The following POTEE variants were observed in gnomAD, a reference collection of about 807,000 sequenced individuals.
POTEE encodes the protein POTE ankyrin domain family member E.
Under a neutral mutation model 74.2 loss-of-function variants are expected in POTEE, and 21 were observed. The observed-to-expected ratio is 0.28, with a 90% CI of 0.20 to 0.41. The LOEUF (loss-of-function observed/expected upper bound fraction) is 0.41, where lower values mean the gene tolerates loss of function less well. POTEE is among the 10% of genes least tolerant of loss of function. The probability of loss-of-function intolerance (pLI) is 1.00; values close to 1 mark genes in which losing one functional copy is unlikely to be tolerated. For missense variants in POTEE, 525 were observed against 1,158.6 expected (o/e 0.45, Z 7.94); for synonymous variants, 211 against 432.8 (o/e 0.49, Z 6.36).
rs376689825 is a variant in POTEE, at chr2:131,220,703, C to T, written c.521+1780C>T. ...AAGGCCGGGTACAGTGGCTTACGCCCGTTACCCCAGCACTTTAGGAGGCTG... is the reference window on the plus strand; with the variant it reads ...AAGGCCGGGTACAGTGGCTTACGCCTGTTACCCCAGCACTTTAGGAGGCTG... On this transcript the variant is annotated intron_variant, in intron 4 of 17. Coordinates refer to ENST00000683005, the MANE Select transcript of POTEE (RefSeq NM_001083538.3). 2.4e-4 allele frequency among the ~76,000 whole-genome samples: 36 copies of T among 151,694 alleles called. No homozygotes were observed. The East Asian group carries it at 4.7e-3, about 20-fold the overall frequency.
At chr2:131,235,711 G>T (rs1410068652) in intron 9 of POTEE, among the ~76,000 whole-genome samples, 2 of 138,824 alleles carry the variant, frequency 1.4e-5, no homozygotes, top group East Asian at 4.5e-4. Context: ...AGAATCGCTT[G>T]AACCAGGGAG....
intron 4 of POTEE, among the ~76,000 whole-genome samples, chr2:131,222,110 G>A (rs1700636028): frequency 1.3e-5 from 2 of 152,320 alleles, no homozygotes; most frequent in African/African-American, 4.8e-5. Flanking sequence ...GTAGAAAATA[G>A]TAAAAGACAA....
At position 131,224,166 on chromosome 2, in the gene POTEE, A is replaced by G. The variant is rs934595268; in HGVS notation, c.810+123A>G. 8.6e-6 allele frequency: 12 copies of G among 1,396,064 alleles called. No homozygotes were observed. In the African/African-American group the frequency reaches 1.8e-4, roughly 20 times the overall value. 86.5% of individuals were successfully genotyped at this position (1,396,064 alleles called of 1,614,324 possible). On this transcript the variant is annotated intron_variant, in intron 6 of 17. Transcript: ENST00000683005. ...ATAACCTGAATGAAAATATTTTGAA[A>G]TGACCTAATTATCTAAGACTTCATT...
chr2:131,226,660 G>A (rs1249790364), intron 6 of POTEE, among the ~76,000 whole-genome samples, 163 bp from the exon 7 acceptor site: 1 of 151,436 alleles, frequency 6.6e-6, no homozygotes, highest in Non-Finnish European at 1.5e-5. Flanking sequence ...CCAAGGGAAG[G>A]AGCAGCGTGT....
Position 131,211,153 on chromosome 2 carries a change from C to T in POTEE, c.-219C>T, listed in dbSNP as rs1376994091. ...GCAGCTCGCCTCGTGTGACTGATGG[C>T]AGCCACGGAGACTGCAGCTCGACAG... On this transcript the variant is annotated 5_prime_UTR_variant, in exon 2 of 18. Transcript: ENST00000683005. Among the ~76,000 whole-genome samples, 1 of 151,824 alleles carries T rather than the reference C, an allele frequency of 6.6e-6. No individual in the cohort carries two copies. Among genetic ancestry groups the T allele is most frequent in the Non-Finnish European group, 1.5e-5 (1 of 68,012 alleles).
chr2:131,211,583 C>G (rs190457991), intron 2 of POTEE, among the ~76,000 whole-genome samples: 1 of 102,664 alleles, frequency 9.7e-6, no homozygotes. Context: ...GACAGAGTCT[C>G]GCTCTTTTGC....
chr2:131,235,275 A>G (rs1701092211), intron 9 of POTEE, among the ~76,000 whole-genome samples: 1 of 151,920 alleles, frequency 6.6e-6, no homozygotes, highest in South Asian at 2.1e-4. Flanking sequence ...GCAGGACTCA[A>G]TAAGAAATTT....
rs1254756993 is a variant in POTEE, at chr2:131,225,005, G to A, written c.810+962G>A. Among the ~76,000 whole-genome samples the A allele has an allele frequency of 1.3e-5, 2 of 152,192 alleles. 1 individual carries two copies. The highest frequency in any genetic ancestry group is 1.3e-4 in the Admixed American group (2 of 15,292). On this transcript the variant is annotated intron_variant, in intron 6 of 17. Coordinates refer to ENST00000683005, the MANE Select transcript of POTEE (RefSeq NM_001083538.3). ...TTCTCTTACCGGGGAAAATCATGTG[G>A]TGTTTTCAGCAAATGGGCCTCTCTC...
chr2:131,239,927 G>A, intron 12 of POTEE, among the ~76,000 whole-genome samples: 1 of 151,822 alleles, frequency 6.6e-6, no homozygotes, highest in East Asian at 2.0e-4. Context: ...AGAATATGTG[G>A]CATTTGATCT....
At chr2:131,256,850 T>C (rs1349814415) in intron 16 of POTEE, among the ~76,000 whole-genome samples, 2 of 152,294 alleles carry the variant, frequency 1.3e-5, no homozygotes, top group African/African-American at 4.8e-5. Flanking sequence ...GGAATTAGGA[T>C]TGTATCATCA....
rs1700473878 is a variant in POTEE at position 131,217,665 on chromosome 2, G to T, written c.-112G>T. ...ACTCAAGGCTGTCAGTGACATTCGTGGCGCCAAGACTTAAGCAGGCGCGTT... is the reference window on the plus strand; with the variant it reads ...ACTCAAGGCTGTCAGTGACATTCGTTGCGCCAAGACTTAAGCAGGCGCGTT... On this transcript the variant is annotated 5_prime_UTR_variant, in exon 3 of 18. Coordinates refer to ENST00000683005, the MANE Select transcript of POTEE (RefSeq NM_001083538.3). Among the ~76,000 whole-genome samples, 1 of 148,382 alleles carries T rather than the reference G, an allele frequency of 6.7e-6. No individual in the cohort carries two copies. The highest frequency in any genetic ancestry group is 1.5e-5 in the Non-Finnish European group (1 of 66,604).
Position 131,263,923 on chromosome 2 carries a change from T to C in POTEE, c.2468T>C (p.Met823Thr), listed in dbSNP as rs1701812721. 6.2e-7 allele frequency: 1 copy of C among 1,614,182 alleles called. No individual in the cohort carries two copies. Among genetic ancestry groups the C allele is most frequent in the Non-Finnish European group, 8.5e-7 (1 of 1,180,016 alleles). ...AACCGCGAGAAGATGACCCAGATCA[T>C]GTTTGAGACCTTCAACACCCCAGCC... ...KANREKMTQI[M>T]FETFNTPAMY... is the part of the protein sequence containing the mutation. Residue 823 changes from methionine (M) to threonine (T), a missense_variant, in exon 18 of 18, where the codon ATG becomes ACG. Met to Thr is a moderately conservative substitution (Grantham distance 81). Transcript: ENST00000683005.
At position 131,218,817 on chromosome 2, in the gene POTEE, G is replaced by C; in HGVS notation, c.415G>C (p.Asp139His). Reference protein sequence around the residue: ...MEPRYHVRGEDLDKLHRAAWW... With the variant: ...MEPRYHVRGEHLDKLHRAAWW... ...GCCCAGGTACCACGTCCGTGGAGAA[G>C]ATCTGGACAAGCTCCACAGAGCTGC... is the stretch of plus-strand genomic sequence containing the variant. The change falls in exon 4 of 18, where the codon GAT (aspartate) becomes CAT (histidine). Residue 139 changes from aspartate (D) to histidine (H), a missense_variant. Coordinates refer to ENST00000683005, the MANE Select transcript of POTEE (RefSeq NM_001083538.3). 1.2e-6 allele frequency: 2 copies of C among 1,612,756 alleles called. No individual in the cohort carries two copies. The highest frequency in any genetic ancestry group is 1.7e-6 in the Non-Finnish European group (2 of 1,179,884).
At chr2:131,251,204 G>A (rs200251260) in intron 14 of POTEE, among the ~76,000 whole-genome samples, 5 of 11,964 alleles carry the variant, frequency 4.2e-4, no homozygotes, top group East Asian at 3.5e-3. Flanking sequence ...GAGGGAGCTT[G>A]CAGTGAGCCG....
intron 4 of POTEE, among the ~76,000 whole-genome samples, chr2:131,220,216 T>C (rs1183538641): frequency 7.1e-6 from 1 of 141,376 alleles, no homozygotes; most frequent in Non-Finnish European, 1.5e-5. Flanking sequence ...ATATATATAC[T>C]TTTTTTTGGA....
intron 6 of POTEE, among the ~76,000 whole-genome samples, chr2:131,225,675 C>T (rs1427737434): frequency 1.1e-4 from 16 of 148,470 alleles, no homozygotes; most frequent in African/African-American, 1.5e-4. Flanking sequence ...TCAGATGGTC[C>T]TCCAACCTCA....
chr2:131,224,687 A>T (rs1231373196), intron 6 of POTEE, among the ~76,000 whole-genome samples: 1 of 151,778 alleles, frequency 6.6e-6, no homozygotes, highest in East Asian at 1.9e-4. Flanking sequence ...CTTCAATTTT[A>T]GAGAATGACA....
rs1347229444 is a variant in POTEE at position 131,226,934 on chromosome 2, A to G, written c.917+5A>G. 3 of 1,611,370 alleles carry G rather than the reference A, an allele frequency of 1.9e-6. No homozygotes were observed. Among genetic ancestry groups the G allele is most frequent in the Admixed American group, 1.7e-5 (1 of 59,970 alleles). ...TGCACTGGATAGATATGGAAGGTAT[A>G]GTTCTTTCTTTTAATCTGTGTGTTC... On this transcript the variant is annotated splice_donor_5th_base_variant and intron_variant, in intron 7 of 17. Transcript: ENST00000683005.
At chr2:131,223,401 T>G (rs1301546514) in intron 4 of POTEE, among the ~76,000 whole-genome samples, 195 bp from the exon 5 acceptor site, 1 of 148,540 alleles carries the variant, frequency 6.7e-6, no homozygotes, top group African/African-American at 2.6e-5. Context: ...TCTTTATATT[T>G]ATATAGGCTG....
Sources: gnomAD v4.1 joint callset for allele counts (sites outside exome capture counted in the v4.1 genomes callset) on GRCh38, gnomAD v4.1.1 for gene constraint, MANE v1.5 for transcripts, NCBI Gene and HGNC (gene_info 2026-07-23, HGNC 2026-07-21) for gene names.